ESYT3: variants seen among roughly 807,000 people sequenced by gnomAD.
The protein encoded by ESYT3 is extended synaptotagmin-3.
In ESYT3, 101 loss-of-function variants were observed where a neutral mutation model predicts 111.5. The observed-to-expected ratio is 0.91, with a 90% CI of 0.77 to 1.07. ESYT3 has a LOEUF of 1.07. Ranked by LOEUF, ESYT3 falls within the 50% of genes least tolerant of loss-of-function variation. The pLI is 0.00. For missense variants in ESYT3, 1,097 were observed against 1,109.4 expected, an observed-to-expected ratio of 0.99 and a Z score of 0.16; for synonymous variants, 416 against 446.8, an observed-to-expected ratio of 0.93 and a Z score of 0.87.
At chr3:138,470,420 G>A (rs1277510061) in intron 16 of ESYT3, 1 of 1,141,290 alleles carries the variant, frequency 8.8e-7, no homozygotes, top group Non-Finnish European at 1.1e-6. Context: ...ACCCAGAGCA[G>A]CCTATCTACA....
intron 6 of ESYT3, 94 bp downstream of exon 6, chr3:138,460,128 C>T: frequency 1.8e-6 from 2 of 1,120,814 alleles, no homozygotes; most frequent in Admixed American, 1.9e-5. Flanking sequence ...CAAGAATGGA[C>T]ATTGTCCCAG....
At chr3:138,444,460 A>G (rs1378335436) in intron 1 of ESYT3, among the ~76,000 whole-genome samples, 1 of 152,202 alleles carries the variant, frequency 6.6e-6, no homozygotes, top group Non-Finnish European at 1.5e-5. Flanking sequence ...TTTTATGGAG[A>G]TGAAGCTTGC....
intron 1 of ESYT3, among the ~76,000 whole-genome samples, chr3:138,447,511 C>T (rs998589200): frequency 6.6e-6 from 1 of 152,152 alleles, no homozygotes; most frequent in Non-Finnish European, 1.5e-5. Context: ...GGATTTTATA[C>T]CTTTGAATTG....
chr3:138,460,090 G>T, intron 6 of ESYT3, 56 bp downstream of exon 6: 1 of 1,511,222 alleles, frequency 6.6e-7, no homozygotes, highest in Non-Finnish European at 9.2e-7. Flanking sequence ...GCACTGGTCT[G>T]CTGGGCCCTA....
chr3:138,444,272 A>G (rs1438214283), intron 1 of ESYT3, among the ~76,000 whole-genome samples: 1 of 152,128 alleles, frequency 6.6e-6, no homozygotes, highest in East Asian at 1.9e-4. Flanking sequence ...GAGGCCTCAG[A>G]TGGGGAGGGT....
In ESYT3 at chr3:138,477,734, T is replaced by A. The variant is rs947943688; in HGVS notation, c.*880T>A. 17 of 152,316 alleles carry A rather than the reference T, an allele frequency of 1.1e-4. No individual in the cohort carries two copies. The highest frequency in any genetic ancestry group is 2.1e-4 in the South Asian group (1 of 4,830). The allele number at this position is 152,316 out of a possible 1,614,324, so 9.4% of individuals were successfully genotyped here. On this transcript the variant is annotated 3_prime_UTR_variant, in exon 23 of 23. Coordinates refer to ENST00000389567, the MANE Select transcript of ESYT3 (RefSeq NM_031913.5). ...AAATAACATGTTAAAAGCAAAGTAT[T>A]AAATTATATGCTTAAACAAGCGCCT...
rs1170363356 is a variant in ESYT3 at position 138,478,119 on chromosome 3, C to CTGAG, written c.*1267_*1270dup. The CTGAG allele has an allele frequency of 6.6e-6, 1 of 152,156 alleles. No homozygotes were observed. Among genetic ancestry groups the CTGAG allele is most frequent in the Non-Finnish European group, 1.5e-5 (1 of 68,040 alleles). 9.4% of individuals were successfully genotyped at this position (152,156 alleles called of 1,614,324 possible). A position where few individuals can be genotyped will look rare whatever the true frequency, so the allele number is the denominator to read the frequency against. ...CCGCCTGTAGCATTTACTGTTGATACTGAGTATTTTCCATTTTAATAGTTC... is the reference window on the plus strand; with the variant it reads ...CCGCCTGTAGCATTTACTGTTGATACTGAGTGAGTATTTTCCATTTTAATAGTTC... On this transcript the variant is annotated 3_prime_UTR_variant, in exon 23 of 23. Transcript: ENST00000389567.
chr3:138,439,114 T>C (rs2030947142), intron 1 of ESYT3, among the ~76,000 whole-genome samples: 1 of 152,178 alleles, frequency 6.6e-6, no homozygotes, highest in Non-Finnish European at 1.5e-5. Flanking sequence ...ACAAAAGCTT[T>C]GTTGCCACAC....
intron 1 of ESYT3, among the ~76,000 whole-genome samples, chr3:138,448,030 G>A (rs1249091885): frequency 6.6e-6 from 1 of 152,008 alleles, no homozygotes; most frequent in Non-Finnish European, 1.5e-5. Context: ...CGCGTTGGGA[G>A]GCCGAGGCTG....
At chr3:138,476,722 T>C in intron 22 of ESYT3, 96 bp from the exon 23 acceptor site, 1 of 1,298,834 alleles carries the variant, frequency 7.7e-7, no homozygotes, top group Non-Finnish European at 1.1e-6. Context: ...TCTGCTGGTC[T>C]TACAGAGGCC....
At position 138,472,666 on chromosome 3, in the gene ESYT3, AAG is replaced by A; in HGVS notation, c.2046_2047del (p.Lys683GlufsTer54). 6.2e-7 allele frequency: 1 copy of A among 1,614,130 alleles called. No homozygotes were observed. The highest frequency in any genetic ancestry group is 8.5e-7 in the Non-Finnish European group (1 of 1,179,984). ...AKRFCEPIGE[K>X]KSPATIFLTV... ...AAGGTTCTGTGAGCCCATCGGGGAG[AAG>A]AAGAGTCCAGCCACCATCTTCCTGA... On this transcript the variant is annotated frameshift_variant, in exon 18 of 23. Coordinates refer to ENST00000389567, the MANE Select transcript of ESYT3 (RefSeq NM_031913.5). LOFTEE classifies it high-confidence loss of function.
Position 138,468,884 on chromosome 3 carries a change from G to A in ESYT3, c.1434+3G>A. The A allele has an allele frequency of 6.2e-7, 1 of 1,614,148 alleles. No homozygotes were observed. The highest frequency in any genetic ancestry group is 1.6e-4 in the Middle Eastern group (1 of 6,062). On this transcript the variant is annotated splice_donor_region_variant and intron_variant, in intron 14 of 22. Transcript: ENST00000389567. ...AAAAACTCTCCAGGTTTGCCAGAGT[G>A]AGTGAGTATGTGGCTAAAAACTCCA...
intron 22 of ESYT3, 94 bp downstream of exon 22, chr3:138,476,586 G>T (rs2033495869): frequency 7.7e-7 from 1 of 1,304,188 alleles, no homozygotes; most frequent in South Asian, 1.2e-5. Flanking sequence ...TTATCAAGAA[G>T]GGAGGGAGAT....
rs1560203288 is a variant in ESYT3 at position 138,434,789 on chromosome 3, C to T, written c.-10C>T. Reference sequence around the variant, plus strand: ...GAAGCTCTCGGGAAGGGCAAGACTGCGGCGACGAGATGCGAGCAGAGGAGC... The same window carrying T: ...GAAGCTCTCGGGAAGGGCAAGACTGTGGCGACGAGATGCGAGCAGAGGAGC... On this transcript the variant is annotated 5_prime_UTR_variant, in exon 1 of 23. Transcript: ENST00000389567. The T allele has an allele frequency of 2.0e-6, 3 of 1,536,874 alleles. No individual in the cohort carries two copies. Among genetic ancestry groups the T allele is most frequent in the East Asian group, 4.8e-5 (2 of 41,750 alleles).
intron 7 of ESYT3, among the ~76,000 whole-genome samples, chr3:138,461,218 C>T (rs1461819432): frequency 6.6e-6 from 1 of 152,214 alleles, no homozygotes; most frequent in Admixed American, 6.5e-5. Flanking sequence ...TTCCTCACTG[C>T]ACCCCTTCCA....
At position 138,434,802 on chromosome 3, in the gene ESYT3, C is replaced by A; in HGVS notation, c.4C>A (p.Arg2=). 6.5e-7 allele frequency: 1 copy of A among 1,549,740 alleles called. No homozygotes were observed. The highest frequency in any genetic ancestry group is 8.7e-7 in the Non-Finnish European group (1 of 1,152,160). Residue 2 remains arginine (R), a synonymous_variant, in exon 1 of 23, where the codon CGA becomes AGA. Coordinates refer to ENST00000389567, the MANE Select transcript of ESYT3 (RefSeq NM_031913.5). Reference sequence around the variant, plus strand: ...AGGGCAAGACTGCGGCGACGAGATGCGAGCAGAGGAGCCCTGCGCCCCCGG... The same window carrying A: ...AGGGCAAGACTGCGGCGACGAGATGAGAGCAGAGGAGCCCTGCGCCCCCGG... M[R]AEEPCAPGAP...
At chr3:138,473,880 ACTGT>A (rs2033361413) in intron 19 of ESYT3, among the ~76,000 whole-genome samples, 1 of 152,216 alleles carries the variant, frequency 6.6e-6, no homozygotes, top group Admixed American at 6.5e-5. Context: ...CCACTGCAAG[ACTGT>A]CTGGAGTGGC....
intron 2 of ESYT3, among the ~76,000 whole-genome samples, chr3:138,452,744 G>T (rs112250364): frequency 6.6e-6 from 1 of 152,082 alleles, no homozygotes; most frequent in Non-Finnish European, 1.5e-5. Flanking sequence ...AGGGCTCCAC[G>T]GCAGTCCCCA....
Position 138,452,088 on chromosome 3 carries a change from A to T in ESYT3, c.368A>T (p.Lys123Met). Residue 123 changes from lysine (K) to methionine (M), a missense_variant and splice_region_variant, in exon 2 of 23, where the codon AAG becomes ATG. Physicochemically the swap from Lys to Met is moderately conservative, Grantham distance 95 (BLOSUM62 -1). Coordinates refer to ENST00000389567, the MANE Select transcript of ESYT3 (RefSeq NM_031913.5). ...GTGGAGCGGGTCGAGTGGGCCAACA[A>T]GGTAAGGCCGCTGGCAGGGCCTAGC... ...PDVERVEWANKIISQTWPYLS... is the reference protein window; with the variant it reads ...PDVERVEWANMIISQTWPYLS... 3 of 1,607,474 alleles carry T rather than the reference A, an allele frequency of 1.9e-6. No individual in the cohort carries two copies. The highest frequency in any genetic ancestry group is 2.5e-6 in the Non-Finnish European group (3 of 1,179,738).
Sources: allele counts gnomAD v4.1 joint callset (sites outside exome capture counted in the v4.1 genomes callset), GRCh38; gene constraint gnomAD v4.1.1; transcripts MANE v1.5; gene names NCBI Gene and HGNC (gene_info 2026-07-23, HGNC 2026-07-21).